ATG13: variants seen among roughly 807,000 people sequenced by gnomAD.
The protein encoded by ATG13 is autophagy related 13.
Under a neutral mutation model 65.5 loss-of-function variants are expected in ATG13, and 23 were observed. That is an observed-to-expected ratio of 0.35 (90% confidence interval 0.25 to 0.50). The LOEUF is 0.50. ATG13 is among the 20% of genes least tolerant of loss of function. The probability of loss-of-function intolerance (pLI) is 0.98; values close to 1 mark genes in which losing one functional copy is unlikely to be tolerated. For missense variants in ATG13, 566 were observed against 677.0 expected (o/e 0.84, Z 1.82); for synonymous variants, 252 against 245.2 (o/e 1.03, Z -0.26).
chr11:46,617,925 T>G (rs2045816358), intron 1 of ATG13, 35 bp downstream of exon 1: 1 of 398,968 alleles, frequency 2.5e-6, no homozygotes, highest in African/African-American at 2.1e-5. Context: ...CCAAGATCTC[T>G]CAGCGCCCCC....
intron 1 of ATG13, among the ~76,000 whole-genome samples, chr11:46,626,933 C>G (rs2049878601): frequency 1.3e-5 from 2 of 152,168 alleles, no homozygotes; most frequent in African/African-American, 4.8e-5. Context: ...AGGATTGTAT[C>G]TGCTCTTCCA....
chr11:46,656,338 C>T (rs913147437), intron 8 of ATG13, 65 bp downstream of exon 8: 19 of 1,455,592 alleles, frequency 1.3e-5, no homozygotes, highest in East Asian at 4.5e-5. Flanking sequence ...AGATGATCTT[C>T]GTTTCTACTT....
At chr11:46,667,718 T>C in intron 14 of ATG13, 55 bp from the exon 15 acceptor site, 1 of 1,405,536 alleles carries the variant, frequency 7.1e-7, no homozygotes. Context: ...TATAGTGAAC[T>C]AAGTCGTCCT....
chr11:46,638,717 A>G (rs1355620258), intron 2 of ATG13: 1 of 152,110 alleles, frequency 6.6e-6, no homozygotes, highest in African/African-American at 2.4e-5. Flanking sequence ...CACCTAACAT[A>G]ATGCTCTCCA....
intron 6 of ATG13, 75 bp from the exon 7 acceptor site, chr11:46,650,102 C>A: frequency 6.6e-7 from 1 of 1,517,546 alleles, no homozygotes; most frequent in South Asian, 1.2e-5. Flanking sequence ...CAGAACATGT[C>A]TTAATAATAA....
chr11:46,650,882 G>C (rs1465697220), intron 7 of ATG13, among the ~76,000 whole-genome samples: 1 of 152,168 alleles, frequency 6.6e-6, no homozygotes, highest in Non-Finnish European at 1.5e-5. Context: ...GGGATTATAG[G>C]TGTGAGCCAC....
chr11:46,644,269 T>C lies in ATG13; in HGVS notation c.-13-10T>C. On this transcript the variant is annotated splice_polypyrimidine_tract_variant and intron_variant, in intron 2 of 18. Coordinates refer to ENST00000683050, the MANE Select transcript of ATG13 (RefSeq NM_001346311.2). Reference sequence around the variant, plus strand: ...ATATTAGTCATATTTTTTTCACTTTTTTTTTTTAGATTCCTATAGGCAATG... The same window carrying C: ...ATATTAGTCATATTTTTTTCACTTTCTTTTTTTAGATTCCTATAGGCAATG... The C allele has an allele frequency of 6.4e-7, 1 of 1,572,362 alleles. No homozygotes were observed. Among genetic ancestry groups the C allele is most frequent in the Non-Finnish European group, 8.6e-7 (1 of 1,161,366 alleles).
chr11:46,647,915 T>C (rs942388216), intron 5 of ATG13, among the ~76,000 whole-genome samples: 3 of 152,052 alleles, frequency 2.0e-5, no homozygotes, highest in Non-Finnish European at 2.9e-5. Context: ...CCAGCCTGTA[T>C]TGTGAGTTTT....
intron 2 of ATG13, among the ~76,000 whole-genome samples, chr11:46,636,518 A>T (rs113517538): frequency 0.019 from 2,797 of 144,164 alleles, 93 homozygotes; most frequent in African/African-American, 0.069. Context: ...AGATCATGCC[A>T]CTGCACTCCA....
intron 11 of ATG13, among the ~76,000 whole-genome samples, chr11:46,661,692 G>A (rs1023405344): frequency 2.6e-5 from 4 of 151,856 alleles, no homozygotes; most frequent in Non-Finnish European, 5.9e-5. Context: ...ATTAGCGGGT[G>A]TGTTGGTACA....
intron 3 of ATG13, 140 bp downstream of exon 3, chr11:46,644,500 C>A: frequency 1.5e-6 from 1 of 672,802 alleles, no homozygotes; most frequent in Non-Finnish European, 2.4e-6. Flanking sequence ...CTGTTGTCAA[C>A]CAAACTGTGA....
chr11:46,619,372 CTTTTTT>C (rs746642470), intron 1 of ATG13, among the ~76,000 whole-genome samples: 1 of 35,328 alleles, frequency 2.8e-5, no homozygotes, highest in African/African-American at 1.3e-4. Context: ...AGATTTCTTG[CTTTTTT>C]TTTTTTTTTT....
chr11:46,618,131 G>C (rs1165961837), intron 1 of ATG13: 3 of 377,966 alleles, frequency 7.9e-6, no homozygotes, highest in Non-Finnish European at 1.4e-5. Flanking sequence ...CAGCTCCTTG[G>C]GTTAGGTCGT....
intron 9 of ATG13, 82 bp downstream of exon 9, chr11:46,657,273 A>G (rs2060230887): frequency 2.3e-6 from 3 of 1,308,466 alleles, no homozygotes; most frequent in Non-Finnish European, 3.3e-6. Flanking sequence ...GACTAAACCT[A>G]CAATTCAGCT....
rs2063479322 is a variant in ATG13, at chr11:46,670,498, GTAA to G, written c.1575+971_1575+973del. 3.9e-5 allele frequency among the ~76,000 whole-genome samples: 5 copies of G among 127,052 alleles called. No individual in the cohort carries two copies. The South Asian group carries it at 1.1e-3, about 29-fold the overall frequency. The allele number at this position is 127,052 out of a possible 152,430, so 83.4% of individuals were successfully genotyped here. A position where few individuals can be genotyped will look rare whatever the true frequency, so the allele number is the denominator to read the frequency against. On this transcript the variant is annotated intron_variant, in intron 18 of 18. Transcript: ENST00000683050. ...TCCATCTCAAAAAAAAAAAAAAAAA[GTAA>G]TAATTACTACTACCAAGACCTTTTG...
Position 46,665,511 on chromosome 11 carries a change from C to G in ATG13, c.1128C>G (p.Pro376=). 1.2e-6 allele frequency: 2 copies of G among 1,614,172 alleles called. No homozygotes were observed. Among genetic ancestry groups the G allele is most frequent in the Non-Finnish European group, 1.7e-6 (2 of 1,179,978 alleles). The change falls in exon 14 of 19, where the codon CCC becomes CCG. Residue 376 remains proline, a synonymous_variant. Transcript: ENST00000683050. The part of the protein sequence containing the change: ...PSDRTHCAAT[P]SSSEDTETVS... ...ACAGAACCCACTGTGCTGCCACACC[C>G]TCCAGTAGGTGAGTTCACATTTTGG...
At chr11:46,666,313 G>GA (rs2062350784) in intron 14 of ATG13, among the ~76,000 whole-genome samples, 1 of 152,158 alleles carries the variant, frequency 6.6e-6, no homozygotes, top group South Asian at 2.1e-4. Context: ...TATATCCTTG[G>GA]AGTCAGTCCT....
At chr11:46,634,479 C>T (rs937951491) in intron 2 of ATG13, among the ~76,000 whole-genome samples, 1 of 146,706 alleles carries the variant, frequency 6.8e-6, no homozygotes, top group Non-Finnish European at 1.5e-5. Flanking sequence ...GCTCACTGCA[C>T]CTCCGCCTCC....
chr11:46,625,726 C>T (rs2049334160), intron 1 of ATG13, among the ~76,000 whole-genome samples: 1 of 152,128 alleles, frequency 6.6e-6, no homozygotes, highest in African/African-American at 2.4e-5. Context: ...TTAACCTGCA[C>T]ATTATCTTGT....
Sources: gnomAD v4.1 joint callset for allele counts (sites outside exome capture counted in the v4.1 genomes callset) on GRCh38, gnomAD v4.1.1 for gene constraint, MANE v1.5 for transcripts, NCBI Gene and HGNC (gene_info 2026-07-23, HGNC 2026-07-21) for gene names.